ZNF423: variants seen among roughly 807,000 people sequenced by gnomAD.
ZNF423 encodes Ebf-associated zinc finger protein.
ZNF423 carries 12 observed loss-of-function variants against 95.8 expected under a neutral mutation model. The ratio of observed to expected loss-of-function variants is 0.13; its 90% CI spans 0.08 to 0.20. The LOEUF is 0.20. Ranked by LOEUF, ZNF423 falls within the 10% of genes least tolerant of loss-of-function variation. ZNF423 has a pLI of 1.00. For synonymous variants in ZNF423, 749 were observed against 711.9 expected (o/e 1.05, Z -0.83); for missense variants, 1,316 against 1,737.1 (o/e 0.76, Z 4.31).
chr16:49,847,567 C>T (rs1292570075), intron 1 of ZNF423: 4 of 152,252 alleles, frequency 2.6e-5, no homozygotes, highest in Non-Finnish European at 5.9e-5. Context: ...CTGCCCTAGC[C>T]TTGGACAATC....
At chr16:49,531,088 A>T (rs146244720) in intron 5 of ZNF423, among the ~76,000 whole-genome samples, 117 of 152,260 alleles carry the variant, frequency 7.7e-4, no homozygotes, top group Non-Finnish European at 1.2e-3. Context: ...GAGGAAGGGG[A>T]GGAGGTAGCC....
At chr16:49,787,756 G>A (rs1016300386) in intron 2 of ZNF423, among the ~76,000 whole-genome samples, 6 of 152,096 alleles carry the variant, frequency 3.9e-5, no homozygotes, top group South Asian at 4.2e-4. Flanking sequence ...CTCCTTGCAC[G>A]CCACTGCTGT....
At chr16:49,530,531 C>A (rs561681108) in intron 5 of ZNF423, among the ~76,000 whole-genome samples, 2 of 148,262 alleles carry the variant, frequency 1.3e-5, no homozygotes, top group Non-Finnish European at 1.5e-5. Context: ...GTGCCTAGAA[C>A]AGGATCTGGC....
At chr16:49,612,793 C>T (rs1300438274) in intron 5 of ZNF423, among the ~76,000 whole-genome samples, 1 of 152,084 alleles carries the variant, frequency 6.6e-6, no homozygotes, top group East Asian at 1.9e-4. Context: ...ATAGAATCTA[C>T]AGAAAAATTC....
At position 49,739,695 on chromosome 16, in the gene ZNF423, GGTT is replaced by G. The variant is rs748952670; in HGVS notation, c.101-8727_101-8725del. On this transcript the variant is annotated intron_variant, in intron 2 of 7. Transcript: ENST00000563137. ...CACGTTTGTTTTTTTGTTTTTGTTT[GGTT>G]TTTTTTTTTTTTTTTTTGGAGACAG... Among the ~76,000 whole-genome samples the G allele has an allele frequency of 1.0e-3, 138 of 132,732 alleles. 16 individuals carry two copies. Among genetic ancestry groups the G allele is most frequent in the Middle Eastern group, 4.0e-3 (1 of 248 alleles). The allele number at this position is 132,732 out of a possible 152,430, so 87.1% of individuals were successfully genotyped here.
In ZNF423 at chr16:49,730,782, C is replaced by T. The variant is rs745597535; in HGVS notation, c.290G>A (p.Arg97His). ...CTGTTTTGCATTACCTCCAGGACAG[C>T]GGTGGGCCCGGTGGTCCGTCAGGTC... The part of the protein sequence containing the change: ...LADLTDHRAH[R>H]CPGDGDDDPQ... Residue 97 changes from arginine (R) to histidine (H), a missense_variant, in exon 3 of 8, where the codon CGC becomes CAC. Physicochemically the swap from Arg to His is conservative, Grantham distance 29. Transcript: ENST00000563137. 1.7e-5 allele frequency: 27 copies of T among 1,614,094 alleles called. No individual in the cohort carries two copies. The highest frequency in any genetic ancestry group is 8.9e-5 in the East Asian group (4 of 44,898).
intron 5 of ZNF423, among the ~76,000 whole-genome samples, chr16:49,585,700 C>CTA (rs1236976882): frequency 1.3e-5 from 2 of 152,144 alleles, no homozygotes; most frequent in Non-Finnish European, 2.9e-5. Context: ...ATAAAGAGAA[C>CTA]TATATAATGC....
intron 3 of ZNF423, among the ~76,000 whole-genome samples, chr16:49,665,522 G>A (rs1447591032): frequency 6.6e-6 from 1 of 152,170 alleles, no homozygotes; most frequent in African/African-American, 2.4e-5. Context: ...TTCACCAAGT[G>A]AAGGAAGCAA....
chr16:49,815,951 CT>C, intron 1 of ZNF423, among the ~76,000 whole-genome samples: 1 of 114,700 alleles, frequency 8.7e-6, no homozygotes, highest in South Asian at 3.1e-4. Flanking sequence ...CAAAGTCTCA[CT>C]CTGTTGCCCA....
chr16:49,794,707 T>G (rs1008040364), intron 1 of ZNF423, among the ~76,000 whole-genome samples: 1 of 152,172 alleles, frequency 6.6e-6, no homozygotes, highest in African/African-American at 2.4e-5. Flanking sequence ...CAGGGCAGCT[T>G]CCGGCTTAGC....
At chr16:49,543,255 T>C (rs1245143043) in intron 5 of ZNF423, among the ~76,000 whole-genome samples, 3 of 152,204 alleles carry the variant, frequency 2.0e-5, no homozygotes, top group African/African-American at 4.8e-5. Context: ...CTTCATCCCA[T>C]GTTCGGCAAC....
At chr16:49,830,726 C>T (rs934289103) in intron 1 of ZNF423, among the ~76,000 whole-genome samples, 1 of 152,118 alleles carries the variant, frequency 6.6e-6, no homozygotes, top group Non-Finnish European at 1.5e-5. Context: ...TCCGAGGGCA[C>T]CAGCCAATGA....
intron 5 of ZNF423, among the ~76,000 whole-genome samples, chr16:49,616,517 A>G (rs1283499637): frequency 6.6e-6 from 1 of 152,212 alleles, no homozygotes; most frequent in African/African-American, 2.4e-5. Context: ...TAAATGCTTC[A>G]GGTGATAGAT....
At chr16:49,838,196 C>T (rs1160314572) in intron 1 of ZNF423, among the ~76,000 whole-genome samples, 2 of 152,236 alleles carry the variant, frequency 1.3e-5, no homozygotes, top group Admixed American at 6.5e-5. Flanking sequence ...GCTGCACCCC[C>T]GGGGCCAGGC....
intron 5 of ZNF423, among the ~76,000 whole-genome samples, chr16:49,598,932 A>G (rs761742766): frequency 6.6e-6 from 1 of 152,248 alleles, no homozygotes; most frequent in African/African-American, 2.4e-5. Context: ...TGCTCAACTT[A>G]CTATCTTTAA....
intron 2 of ZNF423, among the ~76,000 whole-genome samples, chr16:49,773,134 C>A (rs1425611939): frequency 1.3e-5 from 2 of 152,192 alleles, no homozygotes; most frequent in African/African-American, 4.8e-5. Context: ...GCCTGGCCAA[C>A]ATGGCAAAAC....
intron 1 of ZNF423, among the ~76,000 whole-genome samples, chr16:49,837,468 C>T (rs2035133067): frequency 6.6e-6 from 1 of 152,192 alleles, no homozygotes; most frequent in Non-Finnish European, 1.5e-5. Context: ...GTCATTTAAG[C>T]ACAAGGCCCC....
At chr16:49,766,979 T>C (rs1469638014) in intron 2 of ZNF423, among the ~76,000 whole-genome samples, 1 of 151,888 alleles carries the variant, frequency 6.6e-6, no homozygotes, top group Non-Finnish European at 1.5e-5. Context: ...TTCTTTCTTT[T>C]TTTTTTTTAG....
rs771331763 is a variant in ZNF423, at chr16:49,637,684, C to G, written c.1492G>C (p.Ala498Pro). ...FHCNYCPEMF[A>P]DINSLQEHIR... ...TGCTCCTGCAGGCTATTGATGTCGGCGAACATCTCGGGGCAGTAGTTGCAG... is the reference window on the plus strand; with the variant it reads ...TGCTCCTGCAGGCTATTGATGTCGGGGAACATCTCGGGGCAGTAGTTGCAG... Residue 498 changes from alanine (A) to proline (P), a missense_variant, in exon 4 of 8, where the codon GCC (alanine) becomes CCC (proline). By Grantham distance (27) the Ala-to-Pro change is conservative (BLOSUM62 -1). Around this residue, in one of 6 missense-constraint regions of ZNF423, gnomAD observed 399 missense variants for 478.5 expected, o/e 0.83. Transcript: ENST00000563137. The surrounding 1 kb of genome is among the most constrained non-coding windows in gnomAD (Gnocchi z 5.6). 6.2e-7 allele frequency: 1 copy of G among 1,614,112 alleles called. No homozygotes were observed.
Sources: allele counts gnomAD v4.1 joint callset (sites outside exome capture counted in the v4.1 genomes callset), GRCh38; gene constraint gnomAD v4.1.1; regional missense constraint gnomAD v4.1.1; non-coding constraint Gnocchi (gnomAD v3.1); transcripts MANE v1.5; gene names NCBI Gene and HGNC (gene_info 2026-07-23, HGNC 2026-07-21).